UBE2Q2: variants seen among roughly 807,000 people sequenced by gnomAD.
The protein encoded by UBE2Q2 is ubiquitin conjugating enzyme E2 Q2, also known as ubiquitin-conjugating enzyme E2 Q2.
In UBE2Q2, 54 loss-of-function variants were observed where a neutral mutation model predicts 59.9. The ratio of observed to expected loss-of-function variants is 0.90; its 90% CI spans 0.72 to 1.13. The LOEUF (loss-of-function observed/expected upper bound fraction) is 1.13. UBE2Q2 is among the 50% of genes most tolerant of loss of function. The pLI is 0.00. For synonymous variants in UBE2Q2, 165 were observed against 155.2 expected (o/e 1.06, Z -0.47); for missense variants, 433 against 441.9 (o/e 0.98, Z 0.18).
intron 1 of UBE2Q2, among the ~76,000 whole-genome samples, chr15:75,850,021 A>G (rs1359112748): frequency 1.3e-5 from 2 of 152,232 alleles, no homozygotes; most frequent in African/African-American, 4.8e-5. Context: ...AAAGCATGTG[A>G]AAGATTGAAA....
rs1021168084 is a variant in UBE2Q2 at position 75,868,851 on chromosome 15, A to C, written c.388-100A>C. On this transcript the variant is annotated intron_variant, in intron 3 of 12. Coordinates refer to ENST00000267938, the MANE Select transcript of UBE2Q2 (RefSeq NM_173469.4). ...ATAAACTGTCTGGTAGTGGGACTCCAGTGACAGATGTTTGAGAGTTTGTGG... is the reference window on the plus strand; with the variant it reads ...ATAAACTGTCTGGTAGTGGGACTCCCGTGACAGATGTTTGAGAGTTTGTGG... The C allele has an allele frequency of 8.5e-6, 8 of 945,286 alleles. No individual in the cohort carries two copies. In the Admixed American group the frequency reaches 1.2e-4, roughly 14 times the overall value. The allele number at this position is 945,286 out of a possible 1,614,324, so 58.6% of individuals were successfully genotyped here.
chr15:75,899,362 T>C, intron 12 of UBE2Q2, 65 bp from the exon 13 acceptor site: 8 of 1,230,552 alleles, frequency 6.5e-6, no homozygotes, highest in Non-Finnish European at 8.9e-6. Context: ...CTAACCTTAT[T>C]ACATGCCAGT....
chr15:75,843,886 A>G, intron 1 of UBE2Q2, 40 bp downstream of exon 1: 1 of 1,516,184 alleles, frequency 6.6e-7, no homozygotes. Context: ...CAGGGCGAGG[A>G]CGGAGAGGGG....
Position 75,859,683 on chromosome 15 carries a change from C to T in UBE2Q2, c.283-195C>T, listed in dbSNP as rs191698732. Among the ~76,000 whole-genome samples the T allele has an allele frequency of 5.5e-4, 83 of 152,216 alleles. 1 individual carries two copies. The highest frequency in any genetic ancestry group is 1.9e-3 in the African/African-American group (77 of 41,530). ...AGGTATCAGTTGTAGTGATTATACCCCAAGCCATAGTAACTTTCTTACACT... is the reference window on the plus strand; with the variant it reads ...AGGTATCAGTTGTAGTGATTATACCTCAAGCCATAGTAACTTTCTTACACT... On this transcript the variant is annotated intron_variant, in intron 2 of 12. Transcript: ENST00000267938.
At position 75,843,624 on chromosome 15, in the gene UBE2Q2, C is replaced by T. The variant is rs866508157; in HGVS notation, c.-43C>T. ...TCCGGGCCCGGCTCCCCTTCCGCGC[C>T]CGGCTCCCCTTCCGCGCCCCTCCCG... On this transcript the variant is annotated 5_prime_UTR_variant, in exon 1 of 13. Transcript: ENST00000267938. 4.5e-6 allele frequency: 7 copies of T among 1,541,382 alleles called. No individual in the cohort carries two copies. Among genetic ancestry groups the T allele is most frequent in the Middle Eastern group, 3.9e-4 (2 of 5,110 alleles).
intron 3 of UBE2Q2, among the ~76,000 whole-genome samples, chr15:75,863,816 G>GT (rs1567023811): frequency 6.6e-6 from 1 of 151,936 alleles, no homozygotes; most frequent in Non-Finnish European, 1.5e-5. Flanking sequence ...CTAATTTTTT[G>GT]TATTTTTTAG....
At chr15:75,897,126 C>A in intron 12 of UBE2Q2, 65 bp downstream of exon 12, 1 of 929,376 alleles carries the variant, frequency 1.1e-6, no homozygotes, top group Non-Finnish European at 1.5e-6. Context: ...TTAATACTTA[C>A]CATTTTATTT....
At chr15:75,882,893 C>T (rs1447729903) in intron 8 of UBE2Q2, among the ~76,000 whole-genome samples, 1 of 152,152 alleles carries the variant, frequency 6.6e-6, no homozygotes, top group African/African-American at 2.4e-5. Flanking sequence ...ATTTATCTCC[C>T]TGTGAGCTCT....
At position 75,899,983 on chromosome 15, in the gene UBE2Q2, T is replaced by G. The variant is rs888795246; in HGVS notation, c.*525T>G. 9.2e-5 allele frequency: 14 copies of G among 152,780 alleles called. No homozygotes were observed. Among genetic ancestry groups the G allele is most frequent in the Admixed American group, 7.8e-4 (12 of 15,288 alleles). 9.5% of individuals were successfully genotyped at this position (152,780 alleles called of 1,614,324 possible). ...ATAGGAAACCTACTCATTAAATTGT[T>G]AAACTTTTTAATGACTATGTGAAGA... On this transcript the variant is annotated 3_prime_UTR_variant, in exon 13 of 13. Transcript: ENST00000267938.
intron 9 of UBE2Q2, among the ~76,000 whole-genome samples, chr15:75,889,001 G>T (rs555946661): frequency 2.0e-5 from 3 of 152,276 alleles, no homozygotes; most frequent in Admixed American, 6.5e-5. Flanking sequence ...TGTGTTTGAT[G>T]TTAACTCATC....
rs566542471 is a variant in UBE2Q2 at position 75,870,029 on chromosome 15, G to A, written c.447+1019G>A. On this transcript the variant is annotated intron_variant, in intron 4 of 12. Transcript: ENST00000267938. ...GATTTGGAAATTTTTAATCTAAAAT[G>A]TGCTTTTAGAATGCTTCAGAACTAA... is the stretch of plus-strand genomic sequence containing the variant. 1.3e-4 allele frequency among the ~76,000 whole-genome samples: 20 copies of A among 152,112 alleles called. No individual in the cohort carries two copies. The Middle Eastern group carries it at 0.01, about 78-fold the overall frequency.
chr15:75,868,677 A>AT (rs1351242326), intron 3 of UBE2Q2, among the ~76,000 whole-genome samples: 1 of 151,932 alleles, frequency 6.6e-6, no homozygotes, highest in East Asian at 1.9e-4. Flanking sequence ...ATGTTTTAAC[A>AT]TTTTTTTCTG....
Position 75,863,642 on chromosome 15 carries a change from C to T in UBE2Q2, c.387+3660C>T, listed in dbSNP as rs1464001697. On this transcript the variant is annotated intron_variant, in intron 3 of 12. Coordinates refer to ENST00000267938, the MANE Select transcript of UBE2Q2 (RefSeq NM_173469.4). Reference sequence around the variant, plus strand: ...TTATAAACATCTATGATCACCTGGCCAGTCTTTTTTTTTTTTTCTGAGTTG... The same window carrying T: ...TTATAAACATCTATGATCACCTGGCTAGTCTTTTTTTTTTTTTCTGAGTTG... Among the ~76,000 whole-genome samples, 3 of 148,726 alleles carry T rather than the reference C, an allele frequency of 2.0e-5. No individual in the cohort carries two copies. In the Admixed American group the frequency reaches 2.0e-4, roughly 10 times the overall value.
chr15:75,856,269 G>GTGTGTGTATATATATATATATATATATA (rs1256142539), intron 2 of UBE2Q2, among the ~76,000 whole-genome samples: 1 of 139,278 alleles, frequency 7.2e-6, no homozygotes, highest in African/African-American at 2.7e-5. Context: ...GTGTGTGTGT[G>GTGTGTGTATATATATATATATATATATA]TATATATATA....
intron 2 of UBE2Q2, among the ~76,000 whole-genome samples, chr15:75,858,488 C>T (rs1897035836): frequency 6.6e-6 from 1 of 152,150 alleles, no homozygotes; most frequent in Non-Finnish European, 1.5e-5. Context: ...CCGCCCCCCG[C>T]AAACTAGTAA....
At chr15:75,873,101 C>T (rs952996823) in intron 4 of UBE2Q2, among the ~76,000 whole-genome samples, 35 of 152,286 alleles carry the variant, frequency 2.3e-4, no homozygotes, top group African/African-American at 7.9e-4. Flanking sequence ...ACTAGGAACA[C>T]TTAAGGTTCT....
intron 1 of UBE2Q2, among the ~76,000 whole-genome samples, chr15:75,845,850 G>C (rs1261000938): frequency 6.6e-6 from 1 of 152,120 alleles, no homozygotes; most frequent in African/African-American, 2.4e-5. Context: ...AAGGAGTGAT[G>C]ACCTGGATTA....
intron 9 of UBE2Q2, among the ~76,000 whole-genome samples, chr15:75,889,157 T>C (rs1898954923): frequency 2.0e-5 from 3 of 152,250 alleles, no homozygotes; most frequent in Admixed American, 2.0e-4. Context: ...GATAGATTTC[T>C]ATGTTTCAGA....
At chr15:75,864,992 G>A (rs1340117923) in intron 3 of UBE2Q2, among the ~76,000 whole-genome samples, 2 of 152,128 alleles carry the variant, frequency 1.3e-5, no homozygotes, top group African/African-American at 2.4e-5. Flanking sequence ...TGTTCACATT[G>A]CCATACTATT....
Sources: gnomAD v4.1 joint callset for allele counts (sites outside exome capture counted in the v4.1 genomes callset) on GRCh38, gnomAD v4.1.1 for gene constraint, MANE v1.5 for transcripts, NCBI Gene and HGNC (gene_info 2026-07-23, HGNC 2026-07-21) for gene names.